MAPK10: variants seen among roughly 807,000 people sequenced by gnomAD.
MAPK10 encodes the protein mitogen-activated protein kinase 10, also known as JNK3 alpha protein kinase.
A neutral mutation model predicts 59.3 loss-of-function variants in MAPK10; 25 were observed. That is an observed-to-expected ratio of 0.42 (90% CI 0.31 to 0.59). The LOEUF is 0.59. Among genes scored for constraint, MAPK10 ranks in the 20% least tolerant of loss-of-function variants. The pLI is 0.15. For synonymous variants in MAPK10, 190 were observed against 200.5 expected (o/e 0.95, Z 0.44); for missense variants, 351 against 568.9 (o/e 0.62, Z 3.90).
At position 86,354,792 on chromosome 4, in the gene MAPK10, A is replaced by C. The variant is rs1733566896; in HGVS notation, c.-121-148T>G. On this transcript the variant is annotated intron_variant, in intron 1 of 13. Coordinates refer to ENST00000641462, the MANE Select transcript of MAPK10 (RefSeq NM_138982.4). ...AAAATATCTCAAGGTAATTATCTCT[A>C]TTCATCATTTATTGCAAGCACAAGA... 7.7e-6 allele frequency: 3 copies of C among 389,154 alleles called. No individual in the cohort carries two copies. In the East Asian group the frequency reaches 1.1e-4, roughly 14 times the overall value. The allele number at this position is 389,154 out of a possible 1,614,324, so 24.1% of individuals were successfully genotyped here.
intron 4 of MAPK10, among the ~76,000 whole-genome samples, chr4:86,150,767 C>A (rs1042137011): frequency 6.6e-6 from 1 of 152,112 alleles, no homozygotes; most frequent in African/African-American, 2.4e-5. Flanking sequence ...TAGGCTGAGG[C>A]AGGAGAATGG....
At chr4:86,184,204 A>C (rs902106177) in intron 3 of MAPK10, among the ~76,000 whole-genome samples, 1 of 152,146 alleles carries the variant, frequency 6.6e-6, no homozygotes, top group African/African-American at 2.4e-5. Flanking sequence ...TTTAGACATG[A>C]AGTCCTTGCC....
At chr4:86,464,866 C>T (rs1226695521) in intron 1 of MAPK10, among the ~76,000 whole-genome samples, 6 of 152,058 alleles carry the variant, frequency 3.9e-5, no homozygotes, top group African/African-American at 7.2e-5. Flanking sequence ...CACATTAGGG[C>T]TCATACACCT....
chr4:86,285,130 G>A (rs527400895), intron 2 of MAPK10, among the ~76,000 whole-genome samples: 22 of 152,232 alleles, frequency 1.4e-4, no homozygotes, highest in Admixed American at 9.8e-4. Flanking sequence ...AAATGCAGTA[G>A]AGTAGACCAG....
At chr4:86,559,427 C>G (rs2149103618) in intron 1 of MAPK10, among the ~76,000 whole-genome samples, 1 of 152,150 alleles carries the variant, frequency 6.6e-6, no homozygotes, top group East Asian at 1.9e-4. Flanking sequence ...TCTTATGATA[C>G]CTTACTCTAT....
chr4:86,215,141 C>T (rs1393643770), intron 2 of MAPK10, among the ~76,000 whole-genome samples: 2 of 152,122 alleles, frequency 1.3e-5, no homozygotes, highest in Non-Finnish European at 2.9e-5. Flanking sequence ...AACCAGGATG[C>T]CAAGACCATC....
At chr4:86,571,327 CGTGTGTGTGT>C (rs34133535) in intron 1 of MAPK10, among the ~76,000 whole-genome samples, 2 of 139,646 alleles carry the variant, frequency 1.4e-5, no homozygotes, top group Admixed American at 7.2e-5. Flanking sequence ...TATATATATA[CGTGTGTGTGT>C]GTGTGTGTGT....
intron 11 of MAPK10, among the ~76,000 whole-genome samples, chr4:86,058,356 T>C (rs2148974639): frequency 6.7e-6 from 1 of 149,562 alleles, no homozygotes; most frequent in Admixed American, 6.6e-5. Flanking sequence ...CCCCTTTCTT[T>C]AGTTGCTCTT....
chr4:86,065,990 C>T (rs958145366), intron 10 of MAPK10, among the ~76,000 whole-genome samples: 3 of 152,096 alleles, frequency 2.0e-5, no homozygotes, highest in African/African-American at 7.2e-5. Context: ...GAGGCAATGA[C>T]TGTGATTATT....
chr4:86,214,105 C>T (rs1459489193), intron 2 of MAPK10, among the ~76,000 whole-genome samples: 1 of 151,912 alleles, frequency 6.6e-6, no homozygotes, highest in Non-Finnish European at 1.5e-5. Flanking sequence ...TAGTATATCT[C>T]ATTAATGGAA....
At chr4:86,485,292 G>A (rs1413912123) in intron 1 of MAPK10, among the ~76,000 whole-genome samples, 1 of 151,978 alleles carries the variant, frequency 6.6e-6, no homozygotes, top group Non-Finnish European at 1.5e-5. Context: ...ATATTCTTGG[G>A]AGCACAATTG....
intron 2 of MAPK10, among the ~76,000 whole-genome samples, chr4:86,244,217 T>C (rs754505281): frequency 1.2e-4 from 19 of 152,128 alleles, no homozygotes; most frequent in African/African-American, 2.4e-5. Context: ...ACAAAGTCTG[T>C]AGGAAAAAGA....
chr4:86,116,897 A>G (rs970682722), intron 4 of MAPK10, among the ~76,000 whole-genome samples: 8 of 152,248 alleles, frequency 5.3e-5, no homozygotes, highest in Non-Finnish European at 1.2e-4. Flanking sequence ...TTTAAAATCA[A>G]TGTTCTTCCC....
At chr4:86,564,051 C>T (rs1428708984) in intron 1 of MAPK10, among the ~76,000 whole-genome samples, 2 of 152,104 alleles carry the variant, frequency 1.3e-5, no homozygotes, top group Non-Finnish European at 2.9e-5. Flanking sequence ...AGGCTGGTCT[C>T]GAACTCCTGA....
chr4:86,375,147 T>C (rs1158342639), intron 1 of MAPK10, among the ~76,000 whole-genome samples: 2 of 152,172 alleles, frequency 1.3e-5, no homozygotes, highest in Non-Finnish European at 2.9e-5. Context: ...AGAGATTATT[T>C]CTATCTGGGG....
intron 1 of MAPK10, among the ~76,000 whole-genome samples, chr4:86,497,243 T>A (rs898962339): frequency 6.6e-6 from 1 of 152,226 alleles, no homozygotes; most frequent in Non-Finnish European, 1.5e-5. Context: ...ACTTCCCCTA[T>A]GAACAATCCT....
intron 1 of MAPK10, among the ~76,000 whole-genome samples, chr4:86,448,381 CT>C (rs1750296906): frequency 6.8e-6 from 1 of 147,472 alleles, no homozygotes; most frequent in African/African-American, 2.5e-5. Context: ...GTCAACTAGT[CT>C]AATTAAAAAG....
chr4:86,550,891 C>G (rs1759725096), intron 1 of MAPK10, among the ~76,000 whole-genome samples: 1 of 152,126 alleles, frequency 6.6e-6, no homozygotes, highest in African/African-American at 2.4e-5. Context: ...CCACAAGTAC[C>G]CTGGCAGGGG....
chr4:86,336,427 T>G (rs552943143), intron 2 of MAPK10: 2 of 152,330 alleles, frequency 1.3e-5, no homozygotes, highest in South Asian at 4.1e-4. Flanking sequence ...TTCTATCAAG[T>G]AATTGGGGCT....
Sources: allele counts gnomAD v4.1 joint callset (sites outside exome capture counted in the v4.1 genomes callset), GRCh38; gene constraint gnomAD v4.1.1; transcripts MANE v1.5; gene names NCBI Gene and HGNC (gene_info 2026-07-23, HGNC 2026-07-21).